Variants in LHFPL2 observed in about 807,000 individuals in gnomAD.
The protein encoded by LHFPL2 is LHFPL tetraspan subfamily member 2 protein.
LHFPL2 carries 7 observed loss-of-function variants against 17.5 expected under a neutral mutation model. The ratio of observed to expected loss-of-function variants is 0.40; its 90% CI spans 0.23 to 0.75. The LOEUF is 0.75. LHFPL2 is among the 30% of genes least tolerant of loss of function. The pLI, the probability that LHFPL2 is intolerant of heterozygous loss-of-function variation, is 0.37. For missense variants in LHFPL2, 241 were observed against 294.8 expected, an observed-to-expected ratio of 0.82 and a Z score of 1.34; for synonymous variants, 134 against 116.2, an observed-to-expected ratio of 1.15 and a Z score of -0.99.
intron 2 of LHFPL2, among the ~76,000 whole-genome samples, chr5:78,622,050 TAC>T (rs1744874022): frequency 6.6e-6 from 1 of 152,054 alleles, no homozygotes; most frequent in African/African-American, 2.4e-5. Flanking sequence ...CATCTCAAAA[TAC>T]ACACTCTAGA....
At chr5:78,531,109 A>G (rs1373706748) in intron 3 of LHFPL2, among the ~76,000 whole-genome samples, 1 of 152,226 alleles carries the variant, frequency 6.6e-6, no homozygotes, top group Non-Finnish European at 1.5e-5. Context: ...ATATTCTTAA[A>G]ATCAAAATTT....
chr5:78,577,801 G>T (rs1211101272), intron 2 of LHFPL2, among the ~76,000 whole-genome samples: 1 of 151,094 alleles, frequency 6.6e-6, no homozygotes, highest in Non-Finnish European at 1.5e-5. Flanking sequence ...TGTCCTTTGA[G>T]CTTTTTTTTT....
At chr5:78,630,802 G>A (rs939441799) in intron 2 of LHFPL2, among the ~76,000 whole-genome samples, 3 of 152,182 alleles carry the variant, frequency 2.0e-5, no homozygotes, top group African/African-American at 7.2e-5. Context: ...TAGTGTTAAC[G>A]CAAAAGCAGA....
At chr5:78,575,211 TGAAA>T (rs1757098912) in intron 2 of LHFPL2, among the ~76,000 whole-genome samples, 1 of 152,114 alleles carries the variant, frequency 6.6e-6, no homozygotes, top group Admixed American at 6.6e-5. Context: ...AGATTTCATT[TGAAA>T]GAAAGGGTTT....
At chr5:78,554,018 T>C (rs887703405) in intron 3 of LHFPL2, among the ~76,000 whole-genome samples, 2 of 152,254 alleles carry the variant, frequency 1.3e-5, no homozygotes, top group Admixed American at 6.5e-5. Flanking sequence ...GGATCAGTGG[T>C]ATCAAATTCT....
At chr5:78,527,013 A>C (rs1448332121) in intron 3 of LHFPL2, among the ~76,000 whole-genome samples, 2 of 152,266 alleles carry the variant, frequency 1.3e-5, no homozygotes, top group Non-Finnish European at 2.9e-5. Context: ...TACAGAGTTG[A>C]CTTAAAATAC....
rs530232130 is a variant in LHFPL2 at position 78,575,755 on chromosome 5, C to T, written c.-244-10884G>A. Among the ~76,000 whole-genome samples the T allele has an allele frequency of 2.7e-4, 41 of 152,232 alleles. No individual in the cohort carries two copies. In the South Asian group the frequency reaches 6.8e-3, roughly 25 times the overall value. On this transcript the variant is annotated intron_variant, in intron 2 of 4. Transcript: ENST00000380345. The stretch of plus-strand genomic sequence containing the variant: ...GACCAGGAAAATAACACACACACTA[C>T]AAAAGACAAAGAGAAGAAAAACAAA...
At chr5:78,554,191 ACTGTGCGCGCCTGCTGCACCTCAAGCCC>A (rs1279245804) in intron 3 of LHFPL2, among the ~76,000 whole-genome samples, 1 of 152,242 alleles carries the variant, frequency 6.6e-6, no homozygotes, top group Non-Finnish European at 1.5e-5. Context: ...AGGGGCAGAC[ACTGTGCGCGCCTGCTGCACCTCAAGCCC>A]CCGTTCCTGC....
intron 4 of LHFPL2, among the ~76,000 whole-genome samples, chr5:78,502,055 AAG>A (rs1465758790): frequency 6.6e-6 from 1 of 152,230 alleles, no homozygotes; most frequent in Non-Finnish European, 1.5e-5. Context: ...GAAATCTAGT[AAG>A]ATATCCATTT....
At chr5:78,523,477 G>A (rs1755522044) in intron 3 of LHFPL2, among the ~76,000 whole-genome samples, 1 of 152,076 alleles carries the variant, frequency 6.6e-6, no homozygotes, top group Non-Finnish European at 1.5e-5. Context: ...ATGTACCCTG[G>A]GGATGCTATC....
intron 2 of LHFPL2, among the ~76,000 whole-genome samples, chr5:78,622,662 TGACAA>T (rs2112501619): frequency 6.6e-6 from 1 of 152,332 alleles, no homozygotes; most frequent in African/African-American, 2.4e-5. Context: ...CCAAGGAACC[TGACAA>T]GTCTCTCTAA....
At chr5:78,535,785 G>A (rs1284826052) in intron 3 of LHFPL2, among the ~76,000 whole-genome samples, 2 of 152,224 alleles carry the variant, frequency 1.3e-5, no homozygotes, top group Non-Finnish European at 2.9e-5. Context: ...GGGAAGGGCA[G>A]GCTGTGGCTC....
intron 3 of LHFPL2, among the ~76,000 whole-genome samples, chr5:78,555,580 CTG>C (rs908244252): frequency 6.6e-6 from 1 of 152,144 alleles, no homozygotes; most frequent in African/African-American, 2.4e-5. Context: ...GGTCTTTCTA[CTG>C]GAAGTGGGGA....
chr5:78,561,793 AG>A (rs1756735065), intron 3 of LHFPL2, among the ~76,000 whole-genome samples: 1 of 152,222 alleles, frequency 6.6e-6, no homozygotes, highest in Admixed American at 6.5e-5. Flanking sequence ...AGAACGAGAC[AG>A]GGTGACAGTC....
chr5:78,509,437 G>A (rs1755033180), intron 4 of LHFPL2, among the ~76,000 whole-genome samples: 1 of 152,220 alleles, frequency 6.6e-6, no homozygotes, highest in African/African-American at 2.4e-5. Context: ...TCCTCAGGGA[G>A]TTGCACTGAA....
At chr5:78,643,213 T>C (rs1251081244) in intron 1 of LHFPL2, among the ~76,000 whole-genome samples, 2 of 152,184 alleles carry the variant, frequency 1.3e-5, no homozygotes, top group African/African-American at 4.8e-5. Flanking sequence ...CCAAGCCTTC[T>C]AGACTCCAAA....
intron 2 of LHFPL2, 51 bp from the exon 3 acceptor site, chr5:78,564,922 A>C (rs1436336568): frequency 6.6e-6 from 1 of 152,256 alleles, no homozygotes; most frequent in Admixed American, 6.5e-5. Flanking sequence ...ACATACACAC[A>C]AAGAAGACTT....
At chr5:78,521,543 T>G (rs766124796) in intron 3 of LHFPL2, among the ~76,000 whole-genome samples, 65 of 152,352 alleles carry the variant, frequency 4.3e-4, no homozygotes, top group Non-Finnish European at 2.1e-4. Flanking sequence ...TTAAAAAAAT[T>G]TTGCCTCCCA....
At chr5:78,520,050 A>G in intron 3 of LHFPL2, among the ~76,000 whole-genome samples, 1 of 151,256 alleles carries the variant, frequency 6.6e-6, no homozygotes, top group Middle Eastern at 3.2e-3. Flanking sequence ...AAGTGGGGGT[A>G]AGGAAAGTCG....
Sources: allele counts gnomAD v4.1 joint callset (sites outside exome capture counted in the v4.1 genomes callset), GRCh38; gene constraint gnomAD v4.1.1; transcripts MANE v1.5; gene names NCBI Gene and HGNC (gene_info 2026-07-23, HGNC 2026-07-21).